Variants in SV2C observed in about 807,000 individuals in gnomAD.
SV2C encodes synaptic vesicle glycoprotein 2C.
Under a neutral mutation model 79.7 loss-of-function variants are expected in SV2C, and 49 were observed. That is an observed-to-expected ratio of 0.61 (90% CI 0.49 to 0.78). The LOEUF (loss-of-function observed/expected upper bound fraction) is 0.78. SV2C is among the 30% of genes least tolerant of loss of function. The probability of loss-of-function intolerance (pLI) is 0.00; values close to 1 mark genes in which losing one functional copy is unlikely to be tolerated. For missense variants in SV2C, 833 were observed against 912.9 expected (o/e 0.91, Z 1.13); for synonymous variants, 334 against 333.2 (o/e 1.00, Z -0.03).
chr5:76,319,555 A>G (rs923892027), intron 12 of SV2C, among the ~76,000 whole-genome samples: 8 of 152,236 alleles, frequency 5.3e-5, no homozygotes, highest in Non-Finnish European at 1.2e-4. Context: ...TGTGCTTTGC[A>G]TCCACACCAG....
the SV2C span, among the ~76,000 whole-genome samples, chr5:76,007,541 C>T: frequency 2.0e-5 from 3 of 152,226 alleles, no homozygotes; most frequent in East Asian, 5.8e-4. Flanking sequence ...GTTTACATCA[C>T]TGAAACTTGT....
At chr5:75,891,334 T>C in the SV2C span, among the ~76,000 whole-genome samples, 1 of 152,096 alleles carries the variant, frequency 6.6e-6, no homozygotes, top group African/African-American at 2.4e-5. Context: ...ATCTACAGGG[T>C]AGAACTCTCT....
chr5:76,039,136 G>A, the SV2C span, among the ~76,000 whole-genome samples: 1 of 152,228 alleles, frequency 6.6e-6, no homozygotes, highest in Non-Finnish European at 1.5e-5. Context: ...GAGACCTCAA[G>A]TCTAATGATC....
At chr5:76,247,734 C>A (rs761445919) in intron 4 of SV2C, among the ~76,000 whole-genome samples, 1 of 152,162 alleles carries the variant, frequency 6.6e-6, no homozygotes, top group African/African-American at 2.4e-5. Flanking sequence ...AAGTTTTTAA[C>A]AATTGTGGAC....
chr5:76,295,747 TTTA>T, intron 8 of SV2C, 28 bp from the exon 9 acceptor site: 1 of 1,594,836 alleles, frequency 6.3e-7, no homozygotes, highest in Admixed American at 1.8e-5. Context: ...TGCTAGTGCC[TTTA>T]CAAACTCACA....
chr5:76,111,740 T>C (rs1183233379), intron 1 of SV2C, among the ~76,000 whole-genome samples: 2 of 152,224 alleles, frequency 1.3e-5, no homozygotes, highest in Non-Finnish European at 2.9e-5. Context: ...GCATTTCTCC[T>C]GTTCCTGCAT....
the SV2C span, among the ~76,000 whole-genome samples, chr5:76,034,518 T>A: frequency 6.6e-6 from 1 of 152,244 alleles, no homozygotes. Flanking sequence ...ATGTGGTTTT[T>A]GTCTTTGGCT....
chr5:75,986,533 G>T, the SV2C span, among the ~76,000 whole-genome samples: 1 of 151,926 alleles, frequency 6.6e-6, no homozygotes, highest in Admixed American at 6.6e-5. Flanking sequence ...CTTCCAGAAC[G>T]ATAAGGGAGT....
chr5:75,988,474 G>A, the SV2C span, among the ~76,000 whole-genome samples: 11 of 152,086 alleles, frequency 7.2e-5, no homozygotes, highest in South Asian at 2.3e-3. Flanking sequence ...CTGACCTGGA[G>A]GGAAATCTGA....
intron 1 of SV2C, among the ~76,000 whole-genome samples, chr5:76,086,326 T>C (rs1373560100): frequency 6.6e-6 from 1 of 152,218 alleles, no homozygotes; most frequent in Non-Finnish European, 1.5e-5. Flanking sequence ...CTCTTATTCT[T>C]AAGCAAACTT....
chr5:76,144,290 A>C (rs1442282270), intron 2 of SV2C, among the ~76,000 whole-genome samples: 3 of 152,104 alleles, frequency 2.0e-5, no homozygotes, highest in Non-Finnish European at 4.4e-5. Context: ...CTGACAGCTG[A>C]GAAACTGCTG....
intron 4 of SV2C, among the ~76,000 whole-genome samples, chr5:76,257,543 G>A (rs1746324668): frequency 6.6e-6 from 1 of 150,960 alleles, no homozygotes; most frequent in South Asian, 2.1e-4. Context: ...TGTGGTGTAT[G>A]AGTCTGTGGT....
chr5:76,093,354 A>G (rs550547028), intron 1 of SV2C, among the ~76,000 whole-genome samples: 2 of 152,190 alleles, frequency 1.3e-5, no homozygotes, highest in Non-Finnish European at 2.9e-5. Context: ...GCCAGTGGAC[A>G]TGCGAGTGGT....
intron 12 of SV2C, among the ~76,000 whole-genome samples, chr5:76,315,372 A>G (rs1748585775): frequency 6.6e-6 from 1 of 152,184 alleles, no homozygotes; most frequent in African/African-American, 2.4e-5. Flanking sequence ...ATATGACCCA[A>G]CTAATTTCCA....
intron 1 of SV2C, among the ~76,000 whole-genome samples, chr5:76,111,573 T>C (rs1277903497): frequency 1.3e-5 from 2 of 152,208 alleles, no homozygotes; most frequent in Non-Finnish European, 2.9e-5. Context: ...CGATGGAGAC[T>C]GGAAGACAAA....
At chr5:75,989,708 C>T in the SV2C span, among the ~76,000 whole-genome samples, 1 of 151,818 alleles carries the variant, frequency 6.6e-6, no homozygotes, top group African/African-American at 2.4e-5. Context: ...GAAATTGCCA[C>T]ACTGTCTTCC....
At chr5:75,964,982 G>A in the SV2C span, among the ~76,000 whole-genome samples, 1 of 152,064 alleles carries the variant, frequency 6.6e-6, no homozygotes, top group Non-Finnish European at 1.5e-5. Flanking sequence ...AACTACAATA[G>A]TATATTTACT....
In SV2C at chr5:76,325,609, G is replaced by T; in HGVS notation, c.*62G>T. The T allele has an allele frequency of 6.3e-7, 1 of 1,584,630 alleles. No homozygotes were observed. The highest frequency in any genetic ancestry group is 1.2e-5 in the South Asian group (1 of 86,276). ...CTGCCCTGGGTCAATTCTCCTTCCT[G>T]ACTCAAGGCTTCAGAGTTTTCCTAT... On this transcript the variant is annotated 3_prime_UTR_variant, in exon 13 of 13. Transcript: ENST00000502798.
intron 1 of SV2C, among the ~76,000 whole-genome samples, chr5:76,129,836 A>G (rs772371676): frequency 4.6e-5 from 7 of 152,142 alleles, no homozygotes; most frequent in Admixed American, 6.6e-5. Flanking sequence ...AGCTCACTTA[A>G]TGGTATTTCT....
Sources: allele counts gnomAD v4.1 joint callset (sites outside exome capture counted in the v4.1 genomes callset), GRCh38; gene constraint gnomAD v4.1.1; transcripts MANE v1.5; gene names NCBI Gene and HGNC (gene_info 2026-07-23, HGNC 2026-07-21).